The following CELSR1 variants were observed in gnomAD, a reference collection of about 807,000 sequenced individuals.
CELSR1 encodes adhesion G protein-coupled receptor C1.
In CELSR1, 110 loss-of-function variants were observed where a neutral mutation model predicts 249.1. The ratio of observed to expected loss-of-function variants is 0.44; its 90% confidence interval spans 0.38 to 0.52. The LOEUF is 0.52. Among genes scored for constraint, CELSR1 ranks in the 20% least tolerant of loss-of-function variants. CELSR1 has a pLI of 0.00. For synonymous variants in CELSR1, 2,113 were observed against 1,900.0 expected (o/e 1.11, Z -2.92); for missense variants, 4,109 against 4,296.4 (o/e 0.96, Z 1.22).
chr22:46,391,806 T>TA lies in CELSR1; in HGVS notation c.5974dup (p.Tyr1992LeufsTer58). ...ACAGGTGTCCTGGGCTAGGAGCTTGTAGTAATTCTCCTGCAAAAGCCAGAG... is the reference window on the plus strand; with the variant it reads ...ACAGGTGTCCTGGGCTAGGAGCTTGTAAGTAATTCTCCTGCAAAAGCCAGAG... On this transcript the variant is annotated frameshift_variant, in exon 15 of 35. Coordinates refer to ENST00000674500, the MANE Select transcript of CELSR1 (RefSeq NM_001378328.1). LOFTEE classifies it high-confidence loss of function. This position sits in a 1 kb window ranked among gnomAD's most constrained non-coding sequence, Gnocchi z 4.3. 6.2e-7 allele frequency: 1 copy of TA among 1,609,570 alleles called. No individual in the cohort carries two copies. The highest frequency in any genetic ancestry group is 8.5e-7 in the Non-Finnish European group (1 of 1,178,936).
intron 1 of CELSR1, among the ~76,000 whole-genome samples, chr22:46,489,946 A>T (rs910896800): frequency 2.7e-5 from 4 of 150,896 alleles, no homozygotes; most frequent in South Asian, 4.2e-4. Flanking sequence ...GGTTCCAAGG[A>T]CAATAAACTC....
chr22:46,459,958 A>G (rs1446470224), intron 2 of CELSR1, among the ~76,000 whole-genome samples: 2 of 152,140 alleles, frequency 1.3e-5, no homozygotes, highest in African/African-American at 4.8e-5. Context: ...TGTAAACCCA[A>G]CACTTTGGGA....
chr22:46,470,091 T>C (rs930968009), intron 1 of CELSR1, among the ~76,000 whole-genome samples: 4 of 142,316 alleles, frequency 2.8e-5, no homozygotes, highest in African/African-American at 5.2e-5. Flanking sequence ...TTTTTTCATG[T>C]GAGCTATTTT....
chr22:46,459,256 C>A (rs2079992938), intron 2 of CELSR1, among the ~76,000 whole-genome samples: 1 of 152,086 alleles, frequency 6.6e-6, no homozygotes, highest in South Asian at 2.1e-4. Context: ...CCAAGAGCAG[C>A]ACCAGGATTC....
Position 46,506,721 on chromosome 22 carries a change from C to T in CELSR1, c.3544+26906G>A, listed in dbSNP as rs1233777271. Among the ~76,000 whole-genome samples the T allele has an allele frequency of 6.6e-6, 1 of 152,166 alleles. No homozygotes were observed. Among genetic ancestry groups the T allele is most frequent in the Non-Finnish European group, 1.5e-5 (1 of 68,040 alleles). The stretch of plus-strand genomic sequence containing the variant: ...TGAGACAAGCCCAAATCGAGAGTTA[C>T]GTTCTAATTTTAAGATCTCTGTGCC... On this transcript the variant is annotated intron_variant, in intron 1 of 34. Transcript: ENST00000674500. This position sits in a 1 kb window ranked among gnomAD's most constrained non-coding sequence, Gnocchi z 4.1.
intron 2 of CELSR1, among the ~76,000 whole-genome samples, chr22:46,452,054 G>A (rs116446224): frequency 0.01 from 1,565 of 152,284 alleles, 25 homozygotes; most frequent in African/African-American, 0.036. Context: ...AAGCGCAGCC[G>A]GCCCTGCCAA....
chr22:46,422,838 C>A (rs2079493438), intron 5 of CELSR1, among the ~76,000 whole-genome samples: 1 of 151,156 alleles, frequency 6.6e-6, no homozygotes, highest in Non-Finnish European at 1.5e-5. Flanking sequence ...ATACAAAGAA[C>A]TCAAGTGCAT....
chr22:46,457,145 G>A (rs1156405189), intron 2 of CELSR1, among the ~76,000 whole-genome samples: 1 of 152,178 alleles, frequency 6.6e-6, no homozygotes, highest in South Asian at 2.1e-4. Flanking sequence ...AGGAGTTCGA[G>A]AACAGCTTGG....
Position 46,391,771 on chromosome 22 carries a change from C to A in CELSR1, c.6010G>T (p.Asp2004Tyr). 6.2e-7 allele frequency: 1 copy of A among 1,612,810 alleles called. No individual in the cohort carries two copies. The change falls in exon 15 of 35, where the codon GAC becomes TAC. Residue 2004 changes from aspartate to tyrosine, a missense_variant. Physicochemically the swap from Asp to Tyr is radical, Grantham distance 160. Coordinates refer to ENST00000674500, the MANE Select transcript of CELSR1 (RefSeq NM_001378328.1). The surrounding 1 kb of genome is among the most constrained non-coding windows in gnomAD (Gnocchi z 4.3). ...LLAQDTCLPC[D>Y]CFPHGSHSRT... ...CTGTGGGAGCCATGGGGGAAGCAGT[C>A]GCAGGGCAGACAGGTGTCCTGGGCT...
chr22:46,405,945 G>A (rs1010038951), intron 9 of CELSR1, among the ~76,000 whole-genome samples: 5 of 152,164 alleles, frequency 3.3e-5, no homozygotes, highest in Non-Finnish European at 5.9e-5. Context: ...GCCCAGTGGG[G>A]TCTGCAGCAT....
chr22:46,487,195 C>G (rs2080321237), intron 1 of CELSR1, among the ~76,000 whole-genome samples: 1 of 152,142 alleles, frequency 6.6e-6, no homozygotes, highest in African/African-American at 2.4e-5. Flanking sequence ...TAAGAGATGA[C>G]TTACAAGTAA....
Position 46,535,332 on chromosome 22 carries a change from C to A in CELSR1, c.1839G>T (p.Gly613=). The change falls in exon 1 of 35, where the codon GGG becomes GGT. Residue 613 remains glycine, a synonymous_variant. Coordinates refer to ENST00000674500, the MANE Select transcript of CELSR1 (RefSeq NM_001378328.1). ...RLVDTASTFL[G]GGSAGPKNPA... is the part of the protein sequence containing the mutation. The stretch of plus-strand genomic sequence containing the variant: ...GATTCTTAGGCCCAGCGCTGCCGCC[C>A]CCCAGAAAGGTGGAGGCCGTGTCCA... 1 of 1,612,312 alleles carries A rather than the reference C, an allele frequency of 6.2e-7. No homozygotes were observed. Among genetic ancestry groups the A allele is most frequent in the Non-Finnish European group, 8.5e-7 (1 of 1,179,966 alleles).
chr22:46,470,759 ACG>A (rs1210413170), intron 1 of CELSR1, among the ~76,000 whole-genome samples: 1 of 152,142 alleles, frequency 6.6e-6, no homozygotes, highest in Non-Finnish European at 1.5e-5. Context: ...ACGGAATATG[ACG>A]CAGCTAAACC....
chr22:46,455,455 C>T (rs2079937066), intron 2 of CELSR1, among the ~76,000 whole-genome samples: 1 of 152,156 alleles, frequency 6.6e-6, no homozygotes, highest in African/African-American at 2.4e-5. Context: ...GTCTTGAACT[C>T]CTGACCTCAG....
Position 46,448,308 on chromosome 22 carries a change from G to T in CELSR1, c.4184-8897C>A, listed in dbSNP as rs1007626869. ...GGGGGTGGGGGCAGAGGGCCCACGC[G>T]AGGGGATGCTGATGTGAACCCCTGG... is the stretch of plus-strand genomic sequence containing the variant. On this transcript the variant is annotated intron_variant, in intron 2 of 34. Transcript: ENST00000674500. This position sits in a 1 kb window ranked among gnomAD's most constrained non-coding sequence, Gnocchi z 5.7. 1.3e-5 allele frequency among the ~76,000 whole-genome samples: 2 copies of T among 152,170 alleles called. No homozygotes were observed. The highest frequency in any genetic ancestry group is 4.8e-5 in the African/African-American group (2 of 41,438).
At chr22:46,452,059 T>C (rs1166200489) in intron 2 of CELSR1, among the ~76,000 whole-genome samples, 2 of 152,156 alleles carry the variant, frequency 1.3e-5, no homozygotes, top group Non-Finnish European at 2.9e-5. Context: ...CAGCCGGCCC[T>C]GCCAACACCT....
rs1008995537 is a variant in CELSR1, at chr22:46,381,620, G to A, written c.7088+226C>T. 3.9e-5 allele frequency among the ~76,000 whole-genome samples: 6 copies of A among 152,216 alleles called. No homozygotes were observed. Among genetic ancestry groups the A allele is most frequent in the African/African-American group, 1.4e-4 (6 of 41,460 alleles). Reference sequence around the variant, plus strand: ...ATTTCTGGCACAAACACCAGGATGAGCCCAGGCAAAGGGTGTGCAATGTTC... The same window carrying A: ...ATTTCTGGCACAAACACCAGGATGAACCCAGGCAAAGGGTGTGCAATGTTC... On this transcript the variant is annotated intron_variant, in intron 21 of 34. Coordinates refer to ENST00000674500, the MANE Select transcript of CELSR1 (RefSeq NM_001378328.1). The surrounding 1 kb of genome is among the most constrained non-coding windows in gnomAD (Gnocchi z 6.0).
chr22:46,397,270 ATTTTTGCT>A (rs2079158012), intron 12 of CELSR1, among the ~76,000 whole-genome samples: 1 of 113,948 alleles, frequency 8.8e-6, no homozygotes, highest in Admixed American at 9.7e-5. Context: ...TGCCTGGCTA[ATTTTTGCT>A]TTTTTTTTTT....
rs977598440 is a variant in CELSR1 at position 46,490,593 on chromosome 22, T to C, written c.3545-26248A>G. Among the ~76,000 whole-genome samples the C allele has an allele frequency of 6.6e-6, 1 of 152,078 alleles. No individual in the cohort carries two copies. Among genetic ancestry groups the C allele is most frequent in the Non-Finnish European group, 1.5e-5 (1 of 68,030 alleles). On this transcript the variant is annotated intron_variant, in intron 1 of 34. Transcript: ENST00000674500. The surrounding 1 kb of genome is among the most constrained non-coding windows in gnomAD (Gnocchi z 5.2). Reference sequence around the variant, plus strand: ...CGAAACCCACTTTTCAAGCAGGACCTGGGAGGGAAATGTTCTAAGCAGAGT... The same window carrying C: ...CGAAACCCACTTTTCAAGCAGGACCCGGGAGGGAAATGTTCTAAGCAGAGT...
Sources: gnomAD v4.1 joint callset for allele counts (sites outside exome capture counted in the v4.1 genomes callset) on GRCh38, gnomAD v4.1.1 for gene constraint, Gnocchi (gnomAD v3.1) non-coding constraint, MANE v1.5 for transcripts, NCBI Gene and HGNC (gene_info 2026-07-23, HGNC 2026-07-21) for gene names.